Variants in SLC19A2 observed in about 807,000 individuals in gnomAD.
The protein encoded by SLC19A2 is solute carrier family 19 member 2, also known as thiamine transporter 1.
A neutral mutation model predicts 44.7 loss-of-function variants in SLC19A2; 27 were observed. The observed-to-expected ratio is 0.60, with a 90% CI of 0.45 to 0.83. The LOEUF (loss-of-function observed/expected upper bound fraction) is 0.83, where lower values mean the gene tolerates loss of function less well. Ranked by LOEUF, SLC19A2 falls within the 40% of genes least tolerant of loss-of-function variation. The pLI, the probability that SLC19A2 is intolerant of heterozygous loss-of-function variation, is 0.00. For synonymous variants in SLC19A2, 239 were observed against 243.6 expected (o/e 0.98, Z 0.18); for missense variants, 566 against 613.7 (o/e 0.92, Z 0.82).
intron 1 of SLC19A2, among the ~76,000 whole-genome samples, chr1:169,484,754 G>A (rs1222527099): frequency 1.5e-5 from 2 of 131,862 alleles, no homozygotes; most frequent in Non-Finnish European, 3.1e-5. Flanking sequence ...CCCTCATCTA[G>A]GGAAAAAATC....
intron 5 of SLC19A2, 51 bp downstream of exon 5, chr1:169,468,060 A>G (rs768152544): frequency 6.3e-7 from 1 of 1,594,950 alleles, no homozygotes; most frequent in Non-Finnish European, 8.6e-7. Context: ...TACTTCTGTC[A>G]CCCTGATCAA....
intron 1 of SLC19A2, among the ~76,000 whole-genome samples, chr1:169,481,317 G>A (rs1219241010): frequency 1.3e-5 from 2 of 152,252 alleles, no homozygotes; most frequent in Non-Finnish European, 2.9e-5. Context: ...AGGATTGGCA[G>A]AAGAAGGATC....
chr1:169,466,784 T>C (rs929247653), intron 5 of SLC19A2, among the ~76,000 whole-genome samples: 6 of 151,438 alleles, frequency 4.0e-5, no homozygotes, highest in Non-Finnish European at 7.4e-5. Context: ...ACATGCAGTG[T>C]TTGGTTTTCT....
intron 1 of SLC19A2, among the ~76,000 whole-genome samples, chr1:169,484,240 G>A (rs1658502383): frequency 6.6e-6 from 1 of 152,138 alleles, no homozygotes. Context: ...TGAAAATGAC[G>A]GAGCATTGCA....
In SLC19A2 at chr1:169,477,138, T is replaced by C; in HGVS notation, c.807+17A>G. On this transcript the variant is annotated intron_variant, in intron 2 of 5. Transcript: ENST00000236137. ...CCCCCATAGTAGCAATTACAAGATA[T>C]TTAAGGCTGAGCTTACCGGTTCCTC... 1.9e-6 allele frequency: 3 copies of C among 1,613,148 alleles called. No homozygotes were observed. The highest frequency in any genetic ancestry group is 2.5e-6 in the Non-Finnish European group (3 of 1,179,836).
intron 2 of SLC19A2, among the ~76,000 whole-genome samples, chr1:169,474,513 C>T (rs1158347363): frequency 1.3e-5 from 2 of 152,036 alleles, no homozygotes; most frequent in Non-Finnish European, 2.9e-5. Context: ...AGATCAGCAC[C>T]CTTTGCCCCA....
Position 169,477,084 on chromosome 1 carries a change from G to A in SLC19A2, c.807+71C>T, listed in dbSNP as rs1658337212. ...TAAATACAAGATCTACCAAGAGGGA[G>A]TTTGCTGTTTTTTTCACCACGGGTC... On this transcript the variant is annotated intron_variant, in intron 2 of 5. Coordinates refer to ENST00000236137, the MANE Select transcript of SLC19A2 (RefSeq NM_006996.3). 26 of 1,544,868 alleles carry A rather than the reference G, an allele frequency of 1.7e-5. No individual in the cohort carries two copies. The South Asian group carries it at 1.7e-4, about 10-fold the overall frequency.
At position 169,468,935 on chromosome 1, in the gene SLC19A2, A is replaced by G. The variant is rs1658101332; in HGVS notation, c.1031-99T>C. On this transcript the variant is annotated intron_variant, in intron 3 of 5. Coordinates refer to ENST00000236137, the MANE Select transcript of SLC19A2 (RefSeq NM_006996.3). ...AGATTATTAAATTTTAAAATCTGCAAACTTATAAACAGAATAGCTCAAGAT... is the reference window on the plus strand; with the variant it reads ...AGATTATTAAATTTTAAAATCTGCAGACTTATAAACAGAATAGCTCAAGAT... 4 of 1,057,126 alleles carry G rather than the reference A, an allele frequency of 3.8e-6. No individual in the cohort carries two copies. The East Asian group carries it at 1.0e-4, about 27-fold the overall frequency. 65.5% of individuals were successfully genotyped at this position (1,057,126 alleles called of 1,614,324 possible). A position where few individuals can be genotyped will look rare whatever the true frequency, so the allele number is the denominator to read the frequency against.
chr1:169,468,416 T>C (rs944774504), intron 4 of SLC19A2, 164 bp from the exon 5 acceptor site: 40 of 714,520 alleles, frequency 5.6e-5, no homozygotes, highest in Non-Finnish European at 8.2e-5. Flanking sequence ...CTAAATGATA[T>C]AAATCTCATG....
intron 2 of SLC19A2, among the ~76,000 whole-genome samples, chr1:169,473,581 G>A (rs1658245196): frequency 6.6e-6 from 1 of 151,896 alleles, no homozygotes; most frequent in Non-Finnish European, 1.5e-5. Context: ...CTTCCTATGT[G>A]CCTTTGCGCA....
rs1487104498 is a variant in SLC19A2, at chr1:169,477,771, A to G, written c.205-14T>C. Reference sequence around the variant, plus strand: ...TTCATTGAAGACCTGGTAGAAAGAGAAAAAAAAAAAACAAAAAACATTAGT... The same window carrying G: ...TTCATTGAAGACCTGGTAGAAAGAGGAAAAAAAAAAACAAAAAACATTAGT... On this transcript the variant is annotated splice_polypyrimidine_tract_variant and intron_variant, in intron 1 of 5. Transcript: ENST00000236137. 1.8e-6 allele frequency: 2 copies of G among 1,099,628 alleles called. No individual in the cohort carries two copies. Among genetic ancestry groups the G allele is most frequent in the African/African-American group, 3.3e-5 (2 of 61,388 alleles). 68.1% of individuals were successfully genotyped at this position (1,099,628 alleles called of 1,614,324 possible).
intron 3 of SLC19A2, 83 bp downstream of exon 3, chr1:169,469,881 G>A: frequency 7.8e-7 from 1 of 1,280,138 alleles, no homozygotes; most frequent in South Asian, 1.2e-5. Context: ...TTTGGGAGGG[G>A]TGAATAAATC....
At position 169,477,192 on chromosome 1, in the gene SLC19A2, A is replaced by T; in HGVS notation, c.770T>A (p.Ile257Asn). 1.2e-6 allele frequency: 2 copies of T among 1,613,942 alleles called. No homozygotes were observed. Among genetic ancestry groups the T allele is most frequent in the Non-Finnish European group, 1.7e-6 (2 of 1,179,980 alleles). Residue 257 changes from isoleucine to asparagine, a missense_variant, in exon 2 of 6, where the codon ATC (isoleucine) becomes AAC (asparagine). Transcript: ENST00000236137. ...GGGAGGCTCCTCCATATTTAGAGGG[A>T]TTTTTGACTCAATGTCCTCCCAGCC... is the stretch of plus-strand genomic sequence containing the variant. The part of the protein sequence containing the change: ...LPGWEDIESK[I>N]PLNMEEPPVE...
At chr1:169,481,673 G>A (rs769412616) in intron 1 of SLC19A2, among the ~76,000 whole-genome samples, 9 of 152,146 alleles carry the variant, frequency 5.9e-5, no homozygotes, top group African/African-American at 1.2e-4. Flanking sequence ...CTCACTTCAC[G>A]TAACATCTGC....
Position 169,470,156 on chromosome 1 carries a change from T to G in SLC19A2, c.838A>C (p.Lys280Gln). ...EPKPDRLLVL[K>Q]VLWNDFLMCY... ...ATCAGGAAATCATTCCATAGTACTT[T>G]CAATACAAGGAGACGGTCTGGCTTG... The change falls in exon 3 of 6, where the codon AAA becomes CAA. Residue 280 changes from lysine (K) to glutamine (Q), a missense_variant. By Grantham distance (53) the Lys-to-Gln change is moderately conservative. Coordinates refer to ENST00000236137, the MANE Select transcript of SLC19A2 (RefSeq NM_006996.3). 1 of 1,613,992 alleles carries G rather than the reference T, an allele frequency of 6.2e-7. No individual in the cohort carries two copies. The highest frequency in any genetic ancestry group is 8.5e-7 in the Non-Finnish European group (1 of 1,179,952).
rs958800568 is a variant in SLC19A2, at chr1:169,477,606, T to C, written c.356A>G (p.Gln119Arg). The C allele has an allele frequency of 1.2e-6, 2 of 1,614,042 alleles. No individual in the cohort carries two copies. Among genetic ancestry groups the C allele is most frequent in the East Asian group, 2.2e-5 (1 of 44,898 alleles). ...TAGAAATTGAATGGCCAGCAGTCCC[T>C]GGGCATAGAGCAGCATAAACCATGT... ...IVTWFMLLYAQGLLAIQFLEF... is the reference protein window; with the variant it reads ...IVTWFMLLYARGLLAIQFLEF... The change falls in exon 2 of 6, where the codon CAG becomes CGG. Residue 119 changes from glutamine (Q) to arginine (R), a missense_variant. Transcript: ENST00000236137.
chr1:169,474,653 T>C (rs1658268611), intron 2 of SLC19A2, among the ~76,000 whole-genome samples: 1 of 152,210 alleles, frequency 6.6e-6, no homozygotes, highest in African/African-American at 2.4e-5. Flanking sequence ...CCTACCTACC[T>C]ACTCTTCAAT....
intron 2 of SLC19A2, among the ~76,000 whole-genome samples, chr1:169,475,713 C>T (rs1658289259): frequency 6.6e-6 from 1 of 152,142 alleles, no homozygotes; most frequent in Non-Finnish European, 1.5e-5. Context: ...AATCCTTGGT[C>T]ATTCTGACAA....
At position 169,469,970 on chromosome 1, in the gene SLC19A2, AG is replaced by A. The variant is rs1557889112; in HGVS notation, c.1023del (p.Leu342TyrfsTer13). 2 of 1,613,620 alleles carry A rather than the reference AG, an allele frequency of 1.2e-6. No individual in the cohort carries two copies. The highest frequency in any genetic ancestry group is 1.7e-6 in the Non-Finnish European group (2 of 1,179,770). Reference protein sequence around the residue: ...IYNGGVEAVSTLLGAVAVFAV... With the variant: ...IYNGGVEAVSXLLGAVAVFAV... ...ATTATCCTGCATTGCTTACCCAGTAAGGTTGAAACGGCCTCCACGCCACCAT... is the reference window on the plus strand; with the variant it reads ...ATTATCCTGCATTGCTTACCCAGTAAGTTGAAACGGCCTCCACGCCACCAT... On this transcript the variant is annotated frameshift_variant, in exon 3 of 6. Transcript: ENST00000236137. LOFTEE classifies it high-confidence loss of function.
Sources: allele counts gnomAD v4.1 joint callset (sites outside exome capture counted in the v4.1 genomes callset), GRCh38; gene constraint gnomAD v4.1.1; transcripts MANE v1.5; gene names NCBI Gene and HGNC (gene_info 2026-07-23, HGNC 2026-07-21).